The following LDAF1 variants were observed in gnomAD, a reference collection of about 807,000 sequenced individuals.
The protein encoded by LDAF1 is lipid droplet assembly factor 1.
Under a neutral mutation model 13.5 loss-of-function variants are expected in LDAF1, and 7 were observed. The observed-to-expected ratio is 0.52, with a 90% CI of 0.29 to 0.97. LDAF1 has a LOEUF of 0.97. Among genes scored for constraint, LDAF1 ranks in the 50% least tolerant of loss-of-function variants. The probability of loss-of-function intolerance (pLI) is 0.07; values close to 1 mark genes in which losing one functional copy is unlikely to be tolerated. For missense variants in LDAF1, 148 were observed against 193.2 expected, an observed-to-expected ratio of 0.77 and a Z score of 1.39; for synonymous variants, 69 against 77.1, an observed-to-expected ratio of 0.89 and a Z score of 0.55.
intron 2 of LDAF1, 109 bp downstream of exon 2, chr16:21,161,387 G>A: frequency 2.2e-6 from 3 of 1,346,416 alleles, no homozygotes; most frequent in Non-Finnish European, 3.0e-6. Flanking sequence ...GGTAAGTCAA[G>A]AATCTTTCTG....
In LDAF1 at chr16:21,180,105, A is replaced by T. The variant is rs2152852509; in HGVS notation, c.*549A>T. The stretch of plus-strand genomic sequence containing the variant: ...TTGTGGCCAAGAGTATTTTCAAAAA[A>T]GTCTAAAGGTGTAGTTTCCACTGTA... On this transcript the variant is annotated 3_prime_UTR_variant, in exon 5 of 5. Transcript: ENST00000233047. The T allele has an allele frequency of 6.4e-6, 1 of 155,742 alleles. No individual in the cohort carries two copies. Among genetic ancestry groups the T allele is most frequent in the Middle Eastern group, 3.4e-3 (1 of 294 alleles). 9.6% of individuals were successfully genotyped at this position (155,742 alleles called of 1,614,324 possible).
intron 1 of LDAF1, 74 bp downstream of exon 1, chr16:21,158,820 G>C (rs1042073506): frequency 1.2e-5 from 2 of 162,818 alleles, no homozygotes; most frequent in African/African-American, 4.8e-5. Context: ...GGCGGGGACA[G>C]AGGAGGAGCG....
intron 2 of LDAF1, among the ~76,000 whole-genome samples, chr16:21,163,778 C>A (rs1039437174): frequency 6.6e-6 from 1 of 152,248 alleles, no homozygotes; most frequent in Non-Finnish European, 1.5e-5. Flanking sequence ...TTGGCACTGA[C>A]TGTATGCCAA....
At chr16:21,167,969 G>A in intron 2 of LDAF1, among the ~76,000 whole-genome samples, 1 of 145,666 alleles carries the variant, frequency 6.9e-6, no homozygotes. Context: ...TCTTGCCATT[G>A]CACTCCAGCC....
intron 1 of LDAF1, among the ~76,000 whole-genome samples, 180 bp downstream of exon 1, chr16:21,158,926 G>A (rs2092925597): frequency 6.6e-6 from 1 of 151,950 alleles, no homozygotes; most frequent in Admixed American, 6.6e-5. Context: ...ATGAGTCGCC[G>A]GGACGGGGCT....
intron 2 of LDAF1, chr16:21,169,110 T>C: frequency 4.4e-6 from 4 of 911,508 alleles, no homozygotes; most frequent in Non-Finnish European, 5.2e-6. Flanking sequence ...CTTTTAATAA[T>C]AATAATGCTT....
chr16:21,164,357 G>A (rs1407400799), intron 2 of LDAF1, among the ~76,000 whole-genome samples: 1 of 152,136 alleles, frequency 6.6e-6, no homozygotes, highest in Non-Finnish European at 1.5e-5. Flanking sequence ...AACACCTCCA[G>A]CCTCAGCCTC....
chr16:21,165,747 A>G (rs1182783030), intron 2 of LDAF1: 1 of 405,762 alleles, frequency 2.5e-6, no homozygotes, highest in East Asian at 1.6e-4. Context: ...TTTTTTTCCC[A>G]GATGAAATTT....
rs146689871 is a variant in LDAF1 at position 21,167,538 on chromosome 16, C to T, written c.97-2899C>T. Among the ~76,000 whole-genome samples, 43 of 152,180 alleles carry T rather than the reference C, an allele frequency of 2.8e-4. 1 individual carries two copies. In the South Asian group the frequency reaches 3.9e-3, roughly 14 times the overall value. ...GTCAGATCGAAAATTCCTTTTTGCC[C>T]GGTGAAGGAAAATAAACTATTAACA... On this transcript the variant is annotated intron_variant, in intron 2 of 4. Transcript: ENST00000233047.
rs776784993 is a variant in LDAF1, at chr16:21,161,216, G to C, written c.34G>C (p.Asp12His). ...AKEEPQSISR[D>H]LQELQKKLSL... is the part of the protein sequence containing the mutation. ...AGAGGAGCCCCAGAGTATCTCAAGG[G>C]ACTTGCAGGAACTGCAGAAGAAGCT... Residue 12 changes from aspartate to histidine, a missense_variant, in exon 2 of 5, where the codon GAC becomes CAC. Coordinates refer to ENST00000233047, the MANE Select transcript of LDAF1 (RefSeq NM_001301771.2). 6.2e-7 allele frequency: 1 copy of C among 1,614,230 alleles called. No homozygotes were observed. The highest frequency in any genetic ancestry group is 2.2e-5 in the East Asian group (1 of 44,886).
intron 2 of LDAF1, among the ~76,000 whole-genome samples, chr16:21,161,845 G>A (rs1210565667): frequency 6.6e-6 from 1 of 152,130 alleles, no homozygotes; most frequent in Non-Finnish European, 1.5e-5. Context: ...CCACATGTAA[G>A]AAGTAAAAAG....
rs932261558 is a variant in LDAF1, at chr16:21,180,587, T to C, written c.*1031T>C. 2.0e-5 allele frequency: 3 copies of C among 152,172 alleles called. No individual in the cohort carries two copies. The highest frequency in any genetic ancestry group is 2.9e-5 in the Non-Finnish European group (2 of 68,022). The allele number at this position is 152,172 out of a possible 1,614,324, so 9.4% of individuals were successfully genotyped here. On this transcript the variant is annotated 3_prime_UTR_variant, in exon 5 of 5. Coordinates refer to ENST00000233047, the MANE Select transcript of LDAF1 (RefSeq NM_001301771.2). ...ATGCTAAAGGACTAGTAAGTAAAAA[T>C]AAAACTTCCTATGGGATTTCCCAGT...
intron 2 of LDAF1, among the ~76,000 whole-genome samples, chr16:21,162,151 G>A (rs866303294): frequency 2.7e-5 from 4 of 150,382 alleles, no homozygotes; most frequent in African/African-American, 4.9e-5. Flanking sequence ...GCGAGATTCC[G>A]TCTCCAAAAA....
Position 21,179,725 on chromosome 16 carries a change from T to A in LDAF1, c.*169T>A. ...GCAGCAGCCAATTTAGGGATTGTGT[T>A]GTTCTTGTGTTGGTTCCCATGTAAA... On this transcript the variant is annotated 3_prime_UTR_variant, in exon 5 of 5. Transcript: ENST00000233047. 1.7e-6 allele frequency: 1 copy of A among 584,428 alleles called. No homozygotes were observed. The highest frequency in any genetic ancestry group is 3.0e-6 in the Non-Finnish European group (1 of 332,238). The allele number at this position is 584,428 out of a possible 1,614,324, so 36.2% of individuals were successfully genotyped here. A position where few individuals can be genotyped will look rare whatever the true frequency, so the allele number is the denominator to read the frequency against.
chr16:21,175,369 T>G lies in LDAF1; in HGVS notation c.404+1221T>G, dbSNP rs12920126. ...AAGCTGAGAGTAGCACAGAAGGGAC[T>G]TAATTCCAGGTGAGTTAATTCCAAA... is the stretch of plus-strand genomic sequence containing the variant. On this transcript the variant is annotated intron_variant, in intron 4 of 4. Coordinates refer to ENST00000233047, the MANE Select transcript of LDAF1 (RefSeq NM_001301771.2). Among the ~76,000 whole-genome samples the G allele has an allele frequency of 9.7e-3, 1,482 of 152,326 alleles. 19 individuals are homozygous for G. The highest frequency in any genetic ancestry group is 0.013 in the Non-Finnish European group (878 of 68,032).
At chr16:21,159,515 G>A (rs763950837) in intron 1 of LDAF1, 1 of 1,379,740 alleles carries the variant, frequency 7.2e-7, no homozygotes. Flanking sequence ...GAGGTTCGGG[G>A]GTGGGAGGGC....
At chr16:21,160,065 C>G in intron 1 of LDAF1, 4 of 629,978 alleles carry the variant, frequency 6.3e-6, no homozygotes, top group Non-Finnish European at 7.9e-6. Flanking sequence ...AATTTGCATA[C>G]TAGACCCTGT....
intron 2 of LDAF1, among the ~76,000 whole-genome samples, chr16:21,161,626 A>T (rs150047872): frequency 4.6e-5 from 7 of 152,196 alleles, no homozygotes; most frequent in African/African-American, 1.7e-4. Flanking sequence ...GGCAAATGCA[A>T]TTCTTTAGCT....
chr16:21,171,610 T>G lies in LDAF1; in HGVS notation c.265+1005T>G, dbSNP rs1487000104. On this transcript the variant is annotated intron_variant, in intron 3 of 4. Transcript: ENST00000233047. ...CATTTTGGTGGTACCATGCAAAGCT[T>G]TACAGCAGACAAGACTTTAAGGATG... Among the ~76,000 whole-genome samples the G allele has an allele frequency of 2.6e-5, 4 of 152,140 alleles. No individual in the cohort carries two copies. In the South Asian group the frequency reaches 8.3e-4, roughly 32 times the overall value.
Sources: allele counts gnomAD v4.1 joint callset (sites outside exome capture counted in the v4.1 genomes callset), GRCh38; gene constraint gnomAD v4.1.1; transcripts MANE v1.5; gene names NCBI Gene and HGNC (gene_info 2026-07-23, HGNC 2026-07-21).